ARHGAP42: variants seen among roughly 807,000 people sequenced by gnomAD.
The protein encoded by ARHGAP42 is Rho GTPase activating protein 42.
A neutral mutation model predicts 125.0 loss-of-function variants in ARHGAP42; 63 were observed. The observed-to-expected ratio is 0.50, with a 90% CI of 0.41 to 0.62. The LOEUF is 0.62. Ranked by LOEUF, ARHGAP42 falls within the 20% of genes least tolerant of loss-of-function variation. ARHGAP42 has a pLI of 0.00. For synonymous variants in ARHGAP42, 339 were observed against 351.0 expected, an observed-to-expected ratio of 0.97 and a Z score of 0.38; for missense variants, 766 against 1,024.2, an observed-to-expected ratio of 0.75 and a Z score of 3.44.
intron 12 of ARHGAP42, 45 bp from the exon 13 acceptor site, chr11:100,959,838 T>C (rs765374830): frequency 3.3e-6 from 5 of 1,522,248 alleles, no homozygotes; most frequent in Non-Finnish European, 4.5e-6. Context: ...AGGGGGAATG[T>C]GAGTTCAGCG....
intron 3 of ARHGAP42, among the ~76,000 whole-genome samples, chr11:100,823,594 A>C (rs764152115): frequency 2.0e-5 from 3 of 152,112 alleles, no homozygotes; most frequent in Non-Finnish European, 4.4e-5. Flanking sequence ...AAAACATCCA[A>C]ATCACCAATT....
intron 11 of ARHGAP42, 60 bp downstream of exon 11, chr11:100,948,595 G>T (rs1411534839): frequency 1.5e-6 from 2 of 1,300,428 alleles, no homozygotes; most frequent in East Asian, 2.5e-5. Context: ...ATAATGTATG[G>T]AAATTCTTTT....
chr11:100,730,056 G>T (rs916585387), intron 1 of ARHGAP42, among the ~76,000 whole-genome samples: 1 of 151,974 alleles, frequency 6.6e-6, no homozygotes, highest in Non-Finnish European at 1.5e-5. Flanking sequence ...TGATCCACCT[G>T]CCTCGGCCTC....
chr11:100,939,570 A>G (rs544235181), intron 8 of ARHGAP42, among the ~76,000 whole-genome samples: 1 of 152,316 alleles, frequency 6.6e-6, no homozygotes, highest in East Asian at 1.9e-4. Flanking sequence ...TAGATAAAAT[A>G]TGGGCACTTA....
chr11:100,741,861 C>G (rs1862194099), intron 1 of ARHGAP42, among the ~76,000 whole-genome samples: 1 of 152,148 alleles, frequency 6.6e-6, no homozygotes, highest in African/African-American at 2.4e-5. Flanking sequence ...TTGCATTGTA[C>G]TAGGGACTGC....
At chr11:100,970,199 G>A (rs1858202528) in intron 17 of ARHGAP42, among the ~76,000 whole-genome samples, 1 of 152,078 alleles carries the variant, frequency 6.6e-6, no homozygotes, top group East Asian at 1.9e-4. Flanking sequence ...TGTTGGTTGG[G>A]CTGGTCTTGA....
At chr11:100,933,006 A>G (rs759000963) in intron 6 of ARHGAP42, 150 bp from the exon 7 acceptor site, 6 of 564,734 alleles carry the variant, frequency 1.1e-5, no homozygotes, top group Non-Finnish European at 1.8e-5. Context: ...TCTGTTTTAT[A>G]ATCGTAAATC....
At chr11:100,922,299 A>G (rs966515688) in intron 6 of ARHGAP42, among the ~76,000 whole-genome samples, 10 of 152,122 alleles carry the variant, frequency 6.6e-5, no homozygotes, top group Admixed American at 2.0e-4. Flanking sequence ...TCAGTGTAAA[A>G]TGTAATGGAT....
chr11:100,950,442 T>G (rs3017866), intron 12 of ARHGAP42, among the ~76,000 whole-genome samples: 1 of 151,030 alleles, frequency 6.6e-6, no homozygotes, highest in Non-Finnish European at 1.5e-5. Context: ...TTCTTACAGG[T>G]ATAAGACTGC....
intron 1 of ARHGAP42, among the ~76,000 whole-genome samples, chr11:100,689,680 C>T (rs866319687): frequency 6.6e-6 from 1 of 152,174 alleles, no homozygotes; most frequent in African/African-American, 2.4e-5. Context: ...TTGGCTTATG[C>T]ACTTAATTAT....
chr11:100,979,266 G>A (rs908287171), intron 22 of ARHGAP42, among the ~76,000 whole-genome samples: 1 of 152,256 alleles, frequency 6.6e-6, no homozygotes, highest in East Asian at 1.9e-4. Flanking sequence ...CACAGTAGAA[G>A]GGCTCTAAAC....
At chr11:100,774,208 A>T (rs2134995778) in intron 2 of ARHGAP42, among the ~76,000 whole-genome samples, 1 of 152,332 alleles carries the variant, frequency 6.6e-6, no homozygotes, top group East Asian at 1.9e-4. Context: ...GATTACACCA[A>T]GCTGTTCTAC....
At chr11:100,811,852 T>A (rs1263051156) in intron 3 of ARHGAP42, among the ~76,000 whole-genome samples, 5 of 152,224 alleles carry the variant, frequency 3.3e-5, no homozygotes, top group African/African-American at 1.2e-4. Context: ...CTGAACAGTG[T>A]CAATGATTAG....
intron 17 of ARHGAP42, among the ~76,000 whole-genome samples, chr11:100,970,609 A>G (rs1371821881): frequency 1.3e-5 from 2 of 151,564 alleles, no homozygotes; most frequent in Admixed American, 1.3e-4. Context: ...AGTCTTTGAG[A>G]TTTGTTATGA....
chr11:100,893,200 A>G (rs11224505), intron 4 of ARHGAP42, among the ~76,000 whole-genome samples: 12,496 of 131,424 alleles, frequency 0.095, 743 homozygotes, highest in East Asian at 0.42. Flanking sequence ...TCTTTTTGAA[A>G]TTGAATTTGG....
intron 1 of ARHGAP42, among the ~76,000 whole-genome samples, chr11:100,754,036 A>G (rs1565556712): frequency 1.3e-5 from 2 of 152,210 alleles, no homozygotes; most frequent in African/African-American, 4.8e-5. Flanking sequence ...CTAATCTGCT[A>G]TTTTGGCCAC....
chr11:100,910,255 G>A (rs1172041748), intron 4 of ARHGAP42, among the ~76,000 whole-genome samples: 1 of 152,082 alleles, frequency 6.6e-6, no homozygotes, highest in African/African-American at 2.4e-5. Flanking sequence ...TAGACATATA[G>A]TAAGTAACGG....
chr11:100,805,183 G>C (rs1017950052), intron 3 of ARHGAP42, among the ~76,000 whole-genome samples: 5 of 152,192 alleles, frequency 3.3e-5, no homozygotes, highest in Non-Finnish European at 7.3e-5. Flanking sequence ...GAAACTCAAA[G>C]GCACATAACT....
chr11:100,856,297 G>T (rs1008000077), intron 3 of ARHGAP42, among the ~76,000 whole-genome samples: 11 of 151,916 alleles, frequency 7.2e-5, no homozygotes, highest in Non-Finnish European at 1.6e-4. Flanking sequence ...CCTTTCTTAT[G>T]CAGTAGCAAC....
Sources: allele counts gnomAD v4.1 joint callset (sites outside exome capture counted in the v4.1 genomes callset), GRCh38; gene constraint gnomAD v4.1.1; transcripts MANE v1.5; gene names NCBI Gene and HGNC (gene_info 2026-07-23, HGNC 2026-07-21).